Variants in SMC6 observed in about 807,000 individuals in gnomAD.
The protein encoded by SMC6 is structural maintenance of chromosomes 6, also known as structural maintenance of chromosomes protein 6.
SMC6 carries 79 observed loss-of-function variants against 142.2 expected under a neutral mutation model. The ratio of observed to expected loss-of-function variants is 0.56; its 90% CI spans 0.46 to 0.67. The LOEUF (loss-of-function observed/expected upper bound fraction) is 0.67. SMC6 is among the 30% of genes least tolerant of loss of function. The probability of loss-of-function intolerance (pLI) is 0.00; values close to 1 mark genes in which losing one functional copy is unlikely to be tolerated. For synonymous variants in SMC6, 411 were observed against 412.4 expected (o/e 1.00, Z 0.04); for missense variants, 1,072 against 1,284.0 (o/e 0.83, Z 2.52).
At chr2:17,666,785 C>A (rs1666515742) in intron 26 of SMC6, among the ~76,000 whole-genome samples, 1 of 150,846 alleles carries the variant, frequency 6.6e-6, no homozygotes, top group African/African-American at 2.4e-5. Context: ...GAGTTCGAGA[C>A]CAGCCTGTGT....
intron 26 of SMC6, among the ~76,000 whole-genome samples, chr2:17,667,946 T>C (rs1443536739): frequency 6.6e-6 from 1 of 152,186 alleles, no homozygotes; most frequent in Non-Finnish European, 1.5e-5. Context: ...GGGATACACA[T>C]CCTGGCTATA....
At chr2:17,701,585 GT>G (rs1470137210) in intron 20 of SMC6, among the ~76,000 whole-genome samples, 1 of 152,022 alleles carries the variant, frequency 6.6e-6, no homozygotes, top group Non-Finnish European at 1.5e-5. Flanking sequence ...TTTTGGTAAA[GT>G]TTTTTTCCAT....
At chr2:17,703,753 C>A (rs1668378647) in intron 18 of SMC6, among the ~76,000 whole-genome samples, 1 of 151,926 alleles carries the variant, frequency 6.6e-6, no homozygotes. Context: ...CTGTAGCTAA[C>A]TGTATTGTAA....
chr2:17,751,029 A>G (rs1195291711), intron 2 of SMC6, among the ~76,000 whole-genome samples: 2 of 150,988 alleles, frequency 1.3e-5, no homozygotes, highest in African/African-American at 4.9e-5. Flanking sequence ...AAAAAAAAAA[A>G]GATTCTCTAA....
At chr2:17,714,109 GAC>G (rs1229375550) in intron 16 of SMC6, among the ~76,000 whole-genome samples, 2 of 140,358 alleles carry the variant, frequency 1.4e-5, no homozygotes, top group African/African-American at 5.4e-5. Context: ...TTTTTTTTGA[GAC>G]ACAGTCTCAT....
chr2:17,687,136 T>A (rs540054950), intron 23 of SMC6, among the ~76,000 whole-genome samples: 3 of 152,232 alleles, frequency 2.0e-5, no homozygotes, highest in African/African-American at 7.2e-5. Flanking sequence ...ATAGAGAAGG[T>A]TTGAAAATAT....
Position 17,714,877 on chromosome 2 carries a change from A to G in SMC6, c.1714T>C (p.Tyr572His), listed in dbSNP as rs753531110. 3.7e-6 allele frequency: 6 copies of G among 1,612,926 alleles called. No individual in the cohort carries two copies. In the Admixed American group the frequency reaches 5.0e-5, roughly 14 times the overall value. Residue 572 changes from tyrosine (Y) to histidine (H), a missense_variant, in exon 16 of 28, where the codon TAT becomes CAT. Tyr to His is a moderately conservative substitution (Grantham distance 83). Coordinates refer to ENST00000448223, the MANE Select transcript of SMC6 (RefSeq NM_001142286.2). ...IIVSEFRNEI[Y>H]DVRHRAAYHP... The stretch of plus-strand genomic sequence containing the variant: ...ATGCCTTACCTGTGTCTTACATCAT[A>G]TATCTCATTCCGAAACTCAGAAACT...
At chr2:17,723,546 T>C (rs1181086112) in intron 9 of SMC6, among the ~76,000 whole-genome samples, 2 of 152,166 alleles carry the variant, frequency 1.3e-5, no homozygotes, top group African/African-American at 4.8e-5. Flanking sequence ...GCTTTCACCA[T>C]CCTTTGCCTG....
At chr2:17,709,773 A>G (rs1668731221) in intron 16 of SMC6, among the ~76,000 whole-genome samples, 1 of 152,202 alleles carries the variant, frequency 6.6e-6, no homozygotes, top group Admixed American at 6.5e-5. Flanking sequence ...ACAAAAAAAG[A>G]CGAGAAAAAG....
chr2:17,741,590 C>A (rs893372617), intron 4 of SMC6, 22 bp downstream of exon 4: 2 of 1,505,870 alleles, frequency 1.3e-6, no homozygotes, highest in Non-Finnish European at 1.8e-6. Context: ...CAAAGTCAAA[C>A]GAGAAGGGAA....
chr2:17,751,240 G>A (rs983121695), intron 2 of SMC6, among the ~76,000 whole-genome samples: 1 of 151,844 alleles, frequency 6.6e-6, no homozygotes, highest in Non-Finnish European at 1.5e-5. Flanking sequence ...CAGCACTTTG[G>A]GAGGCCGAGA....
At chr2:17,682,583 A>G (rs1667281460) in intron 24 of SMC6, among the ~76,000 whole-genome samples, 1 of 152,154 alleles carries the variant, frequency 6.6e-6, no homozygotes, top group Non-Finnish European at 1.5e-5. Context: ...AAGGAAATAG[A>G]AGTAATTCCG....
intron 5 of SMC6, among the ~76,000 whole-genome samples, chr2:17,737,317 T>G (rs1292729657): frequency 6.6e-6 from 1 of 152,204 alleles, no homozygotes; most frequent in African/African-American, 2.4e-5. Context: ...GAAGGAAAAG[T>G]CTACTGAATG....
At chr2:17,703,656 A>G (rs942354313) in intron 18 of SMC6, among the ~76,000 whole-genome samples, 2 of 152,126 alleles carry the variant, frequency 1.3e-5, no homozygotes, top group Non-Finnish European at 2.9e-5. Flanking sequence ...TGAAGACAAT[A>G]AGGATAAAGA....
intron 25 of SMC6, among the ~76,000 whole-genome samples, chr2:17,671,162 C>T (rs888893902): frequency 1.3e-5 from 2 of 151,822 alleles, no homozygotes; most frequent in African/African-American, 4.8e-5. Context: ...GTGTAAGCCA[C>T]CACACCTAAC....
chr2:17,752,141 A>G (rs1458569986), intron 2 of SMC6, among the ~76,000 whole-genome samples: 3 of 152,188 alleles, frequency 2.0e-5, no homozygotes, highest in Non-Finnish European at 4.4e-5. Flanking sequence ...GGTACAGTCA[A>G]TCCCTAAGAA....
chr2:17,735,530 T>C (rs1366606863), intron 5 of SMC6, among the ~76,000 whole-genome samples: 1 of 152,202 alleles, frequency 6.6e-6, no homozygotes, highest in African/African-American at 2.4e-5. Context: ...TGTCCCTCTA[T>C]AACCCTTGTG....
chr2:17,741,641 T>G lies in SMC6; in HGVS notation c.209A>C (p.Asn70Thr). The change falls in exon 4 of 28, where the codon AAT becomes ACT. Residue 70 changes from asparagine (N) to threonine (T), a missense_variant. Physicochemically the swap from Asn to Thr is moderately conservative, Grantham distance 65. This residue lies in a region of SMC6 where 994 missense variants were observed against 1,153.2 expected (regional missense o/e 0.86). Coordinates refer to ENST00000448223, the MANE Select transcript of SMC6 (RefSeq NM_001142286.2). ...ATTGTTGCCAACAACAAAGTTGACATTAGAACCAAACTTAAAAGGTCCAAG... is the reference window on the plus strand; with the variant it reads ...ATTGTTGCCAACAACAAAGTTGACAGTAGAACCAAACTTAAAAGGTCCAAG... ...SMLGPFKFGS[N>T]VNFVVGNNGS... The G allele has an allele frequency of 6.2e-7, 1 of 1,611,400 alleles. No homozygotes were observed. The highest frequency in any genetic ancestry group is 8.5e-7 in the Non-Finnish European group (1 of 1,178,960).
chr2:17,726,081 C>A (rs1669603573), intron 8 of SMC6, among the ~76,000 whole-genome samples: 1 of 64,748 alleles, frequency 1.5e-5, no homozygotes, highest in Non-Finnish European at 2.5e-5. Flanking sequence ...GAGCAAGGCT[C>A]TGTCTTAAAA....
Sources: allele counts gnomAD v4.1 joint callset (sites outside exome capture counted in the v4.1 genomes callset), GRCh38; gene constraint gnomAD v4.1.1; regional missense constraint gnomAD v4.1.1; transcripts MANE v1.5; gene names NCBI Gene and HGNC (gene_info 2026-07-23, HGNC 2026-07-21).